The following CLIP1 variants were observed in gnomAD, a reference collection of about 807,000 sequenced individuals.
The protein encoded by CLIP1 is CAP-Gly domain-containing linker protein 1.
CLIP1 carries 66 observed loss-of-function variants against 161.6 expected under a neutral mutation model. The observed-to-expected ratio is 0.41, with a 90% CI of 0.33 to 0.50. CLIP1 has a LOEUF of 0.50. Ranked by LOEUF, CLIP1 falls within the 20% of genes least tolerant of loss-of-function variation. The pLI is 0.27. For missense variants in CLIP1, 1,376 were observed against 1,702.0 expected, an observed-to-expected ratio of 0.81 and a Z score of 3.37; for synonymous variants, 598 against 626.2, an observed-to-expected ratio of 0.96 and a Z score of 0.67.
In CLIP1 at chr12:122,422,530, C is replaced by T. The variant is rs1475197513; in HGVS notation, c.-116G>A. The T allele has an allele frequency of 6.6e-6, 1 of 150,954 alleles. No homozygotes were observed. The highest frequency in any genetic ancestry group is 2.4e-5 in the African/African-American group (1 of 40,860). The allele number at this position is 150,954 out of a possible 1,614,324, so 9.4% of individuals were successfully genotyped here. ...GCCGCCCCCTGCTCACCTCCTCGGA[C>T]GCCGCCGGTCGCCGCCACCTGTCCC... On this transcript the variant is annotated 5_prime_UTR_variant, in exon 1 of 26. Coordinates refer to ENST00000620786, the MANE Select transcript of CLIP1 (RefSeq NM_001247997.2).
At chr12:122,301,426 T>C (rs926502588) in intron 20 of CLIP1, among the ~76,000 whole-genome samples, 1 of 152,198 alleles carries the variant, frequency 6.6e-6, no homozygotes, top group Non-Finnish European at 1.5e-5. Flanking sequence ...ATCCCAGTAC[T>C]TTGGGAGGCC....
rs770296462 is a variant in CLIP1 at position 122,377,939 on chromosome 12, G to T, written c.107C>A (p.Thr36Asn). ...PTAVVAPVEK[T>N]ISSEKASSTP... The stretch of plus-strand genomic sequence containing the variant: ...GCTTGATGCTTTTTCACTGGATATG[G>T]TTTTTTCTACTGGAGCTACAACTGA... The change falls in exon 3 of 26, where the codon ACC becomes AAC. Residue 36 changes from threonine (T) to asparagine (N), a missense_variant. Physicochemically the swap from Thr to Asn is moderately conservative, Grantham distance 65. Coordinates refer to ENST00000620786, the MANE Select transcript of CLIP1 (RefSeq NM_001247997.2). 3 of 1,608,940 alleles carry T rather than the reference G, an allele frequency of 1.9e-6. No individual in the cohort carries two copies. Among genetic ancestry groups the T allele is most frequent in the Admixed American group, 1.7e-5 (1 of 58,512 alleles).
At chr12:122,387,008 C>A (rs1006842348) in intron 1 of CLIP1, among the ~76,000 whole-genome samples, 1 of 152,024 alleles carries the variant, frequency 6.6e-6, no homozygotes, top group Admixed American at 6.6e-5. Flanking sequence ...CTCCCACCTT[C>A]GCCTCCCATG....
chr12:122,375,112 C>T (rs187062309), intron 3 of CLIP1, among the ~76,000 whole-genome samples: 113 of 152,104 alleles, frequency 7.4e-4, no homozygotes, highest in African/African-American at 2.6e-3. Flanking sequence ...GTCCCAAAGG[C>T]AAAGCAGGGA....
chr12:122,324,206 T>A (rs1044910311), intron 17 of CLIP1: 3 of 152,664 alleles, frequency 2.0e-5, no homozygotes, highest in Admixed American at 1.3e-4. Flanking sequence ...CTGGTCTCCC[T>A]GAAGTAAAGC....
In CLIP1 at chr12:122,377,740, C is replaced by T. The variant is rs115820623; in HGVS notation, c.306G>A (p.Ser102=). 1.5e-3 allele frequency: 2,446 copies of T among 1,613,814 alleles called. 28 individuals carry two copies. The African/African-American group carries it at 0.029, about 19-fold the overall frequency. ...LDEPIGKNDG[S]VAGVRYFQCE... ...ACTGGAAATACCGAACTCCTGCCAC[C>T]GAACCATCGTTCTTGCCTATGGGTT... The change falls in exon 3 of 26, where the codon TCG becomes TCA. Residue 102 remains serine, a synonymous_variant. Coordinates refer to ENST00000620786, the MANE Select transcript of CLIP1 (RefSeq NM_001247997.2).
chr12:122,422,477 G>C (rs1048558436), intron 1 of CLIP1, 44 bp downstream of exon 1: 6 of 151,800 alleles, frequency 4.0e-5, no homozygotes, highest in African/African-American at 1.5e-4. Context: ...AGGGGAGCAG[G>C]GGGTGCCGGG....
chr12:122,356,621 T>C (rs534729844), intron 5 of CLIP1, among the ~76,000 whole-genome samples: 3,104 of 151,698 alleles, frequency 0.02, 106 homozygotes, highest in African/African-American at 0.066. Context: ...TCCCTCTCCC[T>C]CTCTCCCTCT....
At chr12:122,348,914 C>T (rs1416267296) in intron 9 of CLIP1, among the ~76,000 whole-genome samples, 1 of 152,118 alleles carries the variant, frequency 6.6e-6, no homozygotes, top group Non-Finnish European at 1.5e-5. Context: ...GACTCGGGGA[C>T]CTCAATACAT....
chr12:122,336,708 TTTAGCTC>T lies in CLIP1; in HGVS notation c.2485_2491del (p.Glu829SerfsTer9). ...CAAATTTTCCTGAAGGTTAGTAAGC[TTTAGCTC>T]TCTCCCCTGGAGCTCTCTGGTAATG... On this transcript the variant is annotated frameshift_variant, in exon 12 of 26. Transcript: ENST00000620786. LOFTEE classifies it high-confidence loss of function. 1 of 1,611,254 alleles carries T rather than the reference TTTAGCTC, an allele frequency of 6.2e-7. No individual in the cohort carries two copies. Among genetic ancestry groups the T allele is most frequent in the East Asian group, 2.2e-5 (1 of 44,826 alleles).
chr12:122,334,713 A>G lies in CLIP1; in HGVS notation c.2569-8T>C, dbSNP rs761893041. ...TTCAGCAAACTTTTCTTTCTAAAGA[A>G]AAAGAATGAGAGATTCTGAACAGAA... On this transcript the variant is annotated splice_region_variant and splice_polypyrimidine_tract_variant and intron_variant, in intron 12 of 25. Transcript: ENST00000620786. 3.2e-6 allele frequency: 5 copies of G among 1,544,360 alleles called. No individual in the cohort carries two copies. In the East Asian group the frequency reaches 1.2e-4, roughly 36 times the overall value.
intron 1 of CLIP1, among the ~76,000 whole-genome samples, chr12:122,381,297 C>A (rs1299210501): frequency 6.6e-6 from 1 of 152,008 alleles, no homozygotes; most frequent in Non-Finnish European, 1.5e-5. Context: ...CAGAATTATG[C>A]AATTTACAAT....
At chr12:122,314,116 C>T (rs897859698) in intron 19 of CLIP1, among the ~76,000 whole-genome samples, 1 of 151,994 alleles carries the variant, frequency 6.6e-6, no homozygotes, top group South Asian at 2.1e-4. Context: ...TATGGTGAAA[C>T]CCTGTTTCTA....
chr12:122,418,925 C>T (rs1956844753), intron 1 of CLIP1, among the ~76,000 whole-genome samples: 1 of 152,108 alleles, frequency 6.6e-6, no homozygotes, highest in African/African-American at 2.4e-5. Context: ...AAGTGAAAGT[C>T]TCGATTTAGT....
chr12:122,340,734 G>GCT lies in CLIP1; in HGVS notation c.2451+18_2451+19insAG. 1 of 1,507,558 alleles carries GCT rather than the reference G, an allele frequency of 6.6e-7. No homozygotes were observed. The highest frequency in any genetic ancestry group is 8.9e-7 in the Non-Finnish European group (1 of 1,117,332). 93.4% of individuals were successfully genotyped at this position (1,507,558 alleles called of 1,614,324 possible). On this transcript the variant is annotated intron_variant, in intron 11 of 25. Transcript: ENST00000620786. ...AATAACAAATGGAAAAGAAAAGAAT[G>GCT]GAGGATGTCAATACAAACCTTGCTA...
At chr12:122,384,942 T>TTC (rs1390768081) in intron 1 of CLIP1, among the ~76,000 whole-genome samples, 1 of 150,696 alleles carries the variant, frequency 6.6e-6, no homozygotes, top group East Asian at 2.0e-4. Context: ...GGTAATTTTT[T>TTC]TTTTTTTTTT....
intron 20 of CLIP1, among the ~76,000 whole-genome samples, chr12:122,299,612 C>CAAAAAAAAAAAAAAAAAAAAAAAAAAAAA (rs71082962): frequency 1.6e-5 from 1 of 62,516 alleles, no homozygotes; most frequent in African/African-American, 7.0e-5. Flanking sequence ...ATAAATTCAG[C>CAAAAAAAAAAAAAAAAAAAAAAAAAAAAA]AAAAAAAAAA....
At chr12:122,418,787 T>C (rs1956839220) in intron 1 of CLIP1, among the ~76,000 whole-genome samples, 1 of 151,948 alleles carries the variant, frequency 6.6e-6, no homozygotes, top group Non-Finnish European at 1.5e-5. Flanking sequence ...AAAATAAAAA[T>C]ACTGCAAAGG....
At chr12:122,299,544 T>A (rs539009047) in intron 20 of CLIP1, among the ~76,000 whole-genome samples, 28 of 146,954 alleles carry the variant, frequency 1.9e-4, no homozygotes, top group African/African-American at 4.5e-4. Context: ...ATAATTTTTT[T>A]AAATAATTAC....
Sources: gnomAD v4.1 joint callset for allele counts (sites outside exome capture counted in the v4.1 genomes callset) on GRCh38, gnomAD v4.1.1 for gene constraint, MANE v1.5 for transcripts, NCBI Gene and HGNC (gene_info 2026-07-23, HGNC 2026-07-21) for gene names.